Variants in C2CD3 observed in about 807,000 individuals in gnomAD.
The protein encoded by C2CD3 is C2 domain-containing protein 3.
In C2CD3, 148 loss-of-function variants were observed where a neutral mutation model predicts 234.0. That is an observed-to-expected ratio of 0.63 (90% CI 0.55 to 0.72). C2CD3 has a LOEUF of 0.72. Ranked by LOEUF, C2CD3 falls within the 30% of genes least tolerant of loss-of-function variation. The pLI, the probability that C2CD3 is intolerant of heterozygous loss-of-function variation, is 0.00. For missense variants in C2CD3, 2,577 were observed against 2,811.5 expected (o/e 0.92, Z 1.89); for synonymous variants, 1,000 against 1,035.4 (o/e 0.97, Z 0.66).
intron 14 of C2CD3, among the ~76,000 whole-genome samples, chr11:74,101,844 C>CA (rs1956327908): frequency 6.6e-6 from 1 of 151,914 alleles, no homozygotes; most frequent in Non-Finnish European, 1.5e-5. Context: ...GAAGTACATA[C>CA]AGTCAGTTTT....
intron 30 of C2CD3, among the ~76,000 whole-genome samples, chr11:74,035,362 C>T (rs1303186878): frequency 6.6e-6 from 1 of 152,202 alleles, no homozygotes; most frequent in African/African-American, 2.4e-5. Flanking sequence ...ATAAACTTGC[C>T]CAGCCTTCAA....
intron 31 of C2CD3, among the ~76,000 whole-genome samples, chr11:74,031,271 A>C (rs1337927598): frequency 2.0e-5 from 3 of 152,234 alleles, no homozygotes; most frequent in Non-Finnish European, 2.9e-5. Flanking sequence ...TCTTTGCTTT[A>C]GAATAGAGTC....
Position 74,161,473 on chromosome 11 carries a change from G to C in C2CD3, c.409C>G (p.Leu137Val). The C allele has an allele frequency of 6.3e-7, 1 of 1,599,328 alleles. No homozygotes were observed. The highest frequency in any genetic ancestry group is 8.5e-7 in the Non-Finnish European group (1 of 1,171,338). ...CCATTGATTTGATGGGTTGGAGAAA[G>C]TTGAGCTAGTCCATTGATCTGAACT... ...GRVQINGLAQ[L>V]SPTHQINGFF... Residue 137 changes from leucine to valine, a missense_variant, in exon 3 of 33, where the codon CTT becomes GTT. Leu to Val is a conservative substitution (Grantham distance 32). Coordinates refer to ENST00000334126, the MANE Select transcript of C2CD3 (RefSeq NM_001286577.2).
At chr11:74,128,924 A>G (rs1957518660) in intron 7 of C2CD3, 4 of 287,962 alleles carry the variant, frequency 1.4e-5, no homozygotes, top group South Asian at 8.9e-5. Flanking sequence ...GAACAAAATG[A>G]AAAGTCTCCC....
Position 74,106,491 on chromosome 11 carries a change from T to C in C2CD3, c.1965A>G (p.Pro655=). Residue 655 remains proline (P), a splice_region_variant and synonymous_variant, in exon 13 of 33, where the codon CCA becomes CCG. Coordinates refer to ENST00000334126, the MANE Select transcript of C2CD3 (RefSeq NM_001286577.2). ...AAAGTGACACAGATCCAATGACTTC[T>C]GGCTGAGAAAGAAGGAAAGAGAACA... is the stretch of plus-strand genomic sequence containing the variant. ...IYVKKTPQKK[P]EVIGSVSLSL... is the part of the protein sequence containing the mutation. 6.2e-7 allele frequency: 1 copy of C among 1,613,386 alleles called. No homozygotes were observed. Among genetic ancestry groups the C allele is most frequent in the Admixed American group, 1.7e-5 (1 of 59,842 alleles).
intron 26 of C2CD3, among the ~76,000 whole-genome samples, chr11:74,051,089 C>T (rs1223325639): frequency 2.6e-5 from 4 of 151,064 alleles, no homozygotes; most frequent in Admixed American, 6.6e-5. Flanking sequence ...GAGTTCGAGA[C>T]CAGTCTGTGC....
chr11:74,170,689 A>C, intron 1 of C2CD3, 49 bp downstream of exon 1: 1 of 1,610,346 alleles, frequency 6.2e-7, no homozygotes, highest in Non-Finnish European at 8.5e-7. Context: ...AATTCCTTAC[A>C]CCCTGCTCTC....
At chr11:74,119,538 T>C (rs149747063) in intron 8 of C2CD3, among the ~76,000 whole-genome samples, 314 of 152,316 alleles carry the variant, frequency 2.1e-3, no homozygotes, top group African/African-American at 6.9e-3. Flanking sequence ...ATTACCCTTT[T>C]TTCAGCATGT....
intron 8 of C2CD3, among the ~76,000 whole-genome samples, chr11:74,121,183 T>C (rs1269934682): frequency 6.6e-6 from 1 of 152,156 alleles, no homozygotes; most frequent in Non-Finnish European, 1.5e-5. Context: ...ACATACAGGC[T>C]TTTTGTCAGA....
intron 15 of C2CD3, 48 bp from the exon 16 acceptor site, chr11:74,098,303 G>A: frequency 6.4e-7 from 1 of 1,565,578 alleles, no homozygotes; most frequent in Non-Finnish European, 8.7e-7. Context: ...CATCAATCAT[G>A]TCATAGAGTT....
rs763593697 is a variant in C2CD3 at position 74,138,733 on chromosome 11, C to A, written c.942G>T (p.Lys314Asn). The change falls in exon 5 of 33, where the codon AAG becomes AAT. Residue 314 changes from lysine to asparagine, a missense_variant. Transcript: ENST00000334126. ...CILSSNNLPT[K>N]DLLSALLEQG... ...ATACATACATACCTGAAAGAAGATC[C>A]TTGGTAGGGAGGTTGTTTGAAGAAA... The A allele has an allele frequency of 6.2e-7, 1 of 1,612,664 alleles. No individual in the cohort carries two copies.
In C2CD3 at chr11:74,133,556, A is replaced by T; in HGVS notation, c.957T>A (p.Ala319=). 1 of 1,613,984 alleles carries T rather than the reference A, an allele frequency of 6.2e-7. No homozygotes were observed. ...NNLPTKDLLS[A]LLEQGNKLRN... is the part of the protein sequence containing the mutation. ...GCAGTTTATTGCCTTGTTCTAACAG[A>T]GCTGAAGAGGGTAAATGCAGAAAAC... Residue 319 remains alanine (A), a splice_region_variant and synonymous_variant, in exon 6 of 33, where the codon GCT becomes GCA. Transcript: ENST00000334126.
intron 9 of C2CD3, among the ~76,000 whole-genome samples, chr11:74,114,930 G>A (rs1032560543): frequency 2.0e-5 from 3 of 151,838 alleles, no homozygotes; most frequent in Admixed American, 6.6e-5. Flanking sequence ...TTGAACTCCC[G>A]GACTCAAGCA....
chr11:74,034,726 G>T, intron 30 of C2CD3: 1 of 838,750 alleles, frequency 1.2e-6, no homozygotes, highest in Non-Finnish European at 2.0e-6. Flanking sequence ...ATATGATAAG[G>T]CAGGGAAGAT....
chr11:74,122,385 CT>C (rs1187536407), intron 8 of C2CD3, among the ~76,000 whole-genome samples: 1 of 152,100 alleles, frequency 6.6e-6, no homozygotes, highest in Non-Finnish European at 1.5e-5. Flanking sequence ...ATTTCAGTAT[CT>C]TTTTTTGACC....
intron 11 of C2CD3, among the ~76,000 whole-genome samples, chr11:74,111,406 T>C (rs1324543953): frequency 6.6e-6 from 1 of 152,096 alleles, no homozygotes; most frequent in Non-Finnish European, 1.5e-5. Context: ...CAAAATGCAG[T>C]GAAAACTTTA....
intron 20 of C2CD3, among the ~76,000 whole-genome samples, chr11:74,088,363 G>A (rs1353542195): frequency 2.0e-5 from 3 of 152,200 alleles, no homozygotes; most frequent in African/African-American, 7.2e-5. Flanking sequence ...AGATGGGGGT[G>A]AGACTAGAAG....
intron 26 of C2CD3, 148 bp from the exon 27 acceptor site, chr11:74,049,690 G>T: frequency 1.6e-6 from 1 of 639,492 alleles, no homozygotes; most frequent in South Asian, 2.0e-5. Context: ...AAGTTGAGAG[G>T]GACTGGCAAC....
chr11:74,034,672 C>A, intron 30 of C2CD3: 6 of 1,311,650 alleles, frequency 4.6e-6, no homozygotes, highest in Non-Finnish European at 6.6e-6. Flanking sequence ...ATTAAAACTA[C>A]CTATTTTACT....
Sources: gnomAD v4.1 joint callset for allele counts (sites outside exome capture counted in the v4.1 genomes callset) on GRCh38, gnomAD v4.1.1 for gene constraint, MANE v1.5 for transcripts, NCBI Gene and HGNC (gene_info 2026-07-23, HGNC 2026-07-21) for gene names.